SYT10: variants seen among roughly 807,000 people sequenced by gnomAD.
SYT10 encodes synaptotagmin-10.
In SYT10, 31 loss-of-function variants were observed where a neutral mutation model predicts 51.1. That is an observed-to-expected ratio of 0.61 (90% CI 0.46 to 0.82). The LOEUF (loss-of-function observed/expected upper bound fraction) is 0.82. Among genes scored for constraint, SYT10 ranks in the 40% least tolerant of loss-of-function variants. SYT10 has a pLI of 0.00. For missense variants in SYT10, 603 were observed against 634.0 expected, an observed-to-expected ratio of 0.95 and a Z score of 0.53; for synonymous variants, 233 against 225.9, an observed-to-expected ratio of 1.03 and a Z score of -0.28.
At chr12:33,439,244 G>T in intron 1 of SYT10, 128 bp downstream of exon 1, 1 of 1,226,856 alleles carries the variant, frequency 8.2e-7, no homozygotes, top group Non-Finnish European at 1.1e-6. Context: ...GAAGGAGCGA[G>T]GTAGGAAAGC....
intron 3 of SYT10, among the ~76,000 whole-genome samples, chr12:33,400,141 C>CT (rs1252102611): frequency 3.3e-5 from 5 of 152,114 alleles, no homozygotes; most frequent in Non-Finnish European, 7.3e-5. Flanking sequence ...TTTTGCCACT[C>CT]TTTAAAATGT....
intron 1 of SYT10, among the ~76,000 whole-genome samples, chr12:33,428,250 A>G (rs1203957118): frequency 1.3e-5 from 2 of 152,230 alleles, no homozygotes; most frequent in African/African-American, 4.8e-5. Flanking sequence ...GTCATGCATA[A>G]ATGCAACTTA....
At chr12:33,416,289 GC>G (rs1445567643) in intron 2 of SYT10, among the ~76,000 whole-genome samples, 2 of 151,698 alleles carry the variant, frequency 1.3e-5, no homozygotes, top group African/African-American at 4.8e-5. Flanking sequence ...CATTATGTTG[GC>G]CAAACTGGCC....
intron 3 of SYT10, among the ~76,000 whole-genome samples, chr12:33,387,921 T>G (rs1419572823): frequency 6.6e-6 from 1 of 152,086 alleles, no homozygotes; most frequent in Non-Finnish European, 1.5e-5. Context: ...TTTGGTATTT[T>G]TTGTAGAGAC....
chr12:33,433,640 T>C (rs1248541724), intron 1 of SYT10, among the ~76,000 whole-genome samples: 1 of 152,192 alleles, frequency 6.6e-6, no homozygotes, highest in African/African-American at 2.4e-5. Flanking sequence ...TACACTGAAG[T>C]ACACATGTGT....
At chr12:33,424,255 G>T (rs931341264) in intron 2 of SYT10, among the ~76,000 whole-genome samples, 2 of 152,074 alleles carry the variant, frequency 1.3e-5, no homozygotes, top group African/African-American at 4.8e-5. Flanking sequence ...TCTAGCTAGG[G>T]ATAATCAAAT....
At chr12:33,417,632 T>C (rs1866465822) in intron 2 of SYT10, among the ~76,000 whole-genome samples, 1 of 152,232 alleles carries the variant, frequency 6.6e-6, no homozygotes, top group Non-Finnish European at 1.5e-5. Flanking sequence ...GCTAGCTAAA[T>C]GAGGAATGTG....
intron 3 of SYT10, among the ~76,000 whole-genome samples, chr12:33,404,393 A>T (rs1428761930): frequency 1.3e-5 from 2 of 151,824 alleles, no homozygotes; most frequent in East Asian, 1.9e-4. Flanking sequence ...TTTTATTTTT[A>T]TTTTTATTTT....
intron 2 of SYT10, among the ~76,000 whole-genome samples, 180 bp downstream of exon 2, chr12:33,425,958 T>C (rs907515687): frequency 2.0e-5 from 3 of 151,966 alleles, no homozygotes; most frequent in African/African-American, 7.2e-5. Context: ...CTATGTACTC[T>C]GTCCTACCCT....
rs1485857247 is a variant in SYT10 at position 33,425,186 on chromosome 12, G to T, written c.509+952C>A. On this transcript the variant is annotated intron_variant, in intron 2 of 6. Transcript: ENST00000228567. ...TGTTGGAAAACATGGATGCGTCTTC[G>T]GTTTAGAGAGATAAAAAGGTAAGAT... Among the ~76,000 whole-genome samples, 3 of 151,908 alleles carry T rather than the reference G, an allele frequency of 2.0e-5. No homozygotes were observed. The South Asian group carries it at 6.2e-4, about 32-fold the overall frequency.
rs71068378 is a variant in SYT10, at chr12:33,392,985, T to TAAAAAAAAAA, written c.1078-7704_1078-7695dup. Among the ~76,000 whole-genome samples the TAAAAAAAAAA allele has an allele frequency of 5.7e-3, 338 of 59,064 alleles. 12 individuals are homozygous for TAAAAAAAAAA. Among genetic ancestry groups the TAAAAAAAAAA allele is most frequent in the Middle Eastern group, 0.019 (1 of 52 alleles). 38.7% of individuals were successfully genotyped at this position (59,064 alleles called of 152,430 possible). A position where few individuals can be genotyped will look rare whatever the true frequency, so the allele number is the denominator to read the frequency against. On this transcript the variant is annotated intron_variant, in intron 3 of 6. Coordinates refer to ENST00000228567, the MANE Select transcript of SYT10 (RefSeq NM_198992.4). ...CAAAAATAATTGTGGTTTTTGCCAT[T>TAAAAAAAAAA]AAAAAAAAAAAAAAAAAAAAAAAAA...
chr12:33,420,183 C>T (rs1469000101), intron 2 of SYT10, among the ~76,000 whole-genome samples: 2 of 152,144 alleles, frequency 1.3e-5, no homozygotes, highest in African/African-American at 4.8e-5. Flanking sequence ...ATTGAAATTA[C>T]CTGTTTTCAG....
intron 3 of SYT10, among the ~76,000 whole-genome samples, chr12:33,400,439 T>C (rs1169048847): frequency 1.3e-5 from 2 of 152,210 alleles, no homozygotes; most frequent in East Asian, 3.9e-4. Flanking sequence ...TGTCAAGGTG[T>C]ACTCTTTCAA....
At chr12:33,388,121 T>TA (rs5797531) in intron 3 of SYT10, among the ~76,000 whole-genome samples, 8 of 151,638 alleles carry the variant, frequency 5.3e-5, no homozygotes, top group Non-Finnish European at 1.0e-4. Context: ...ACAAAACTGC[T>TA]AAAAAAAAGA....
intron 3 of SYT10, among the ~76,000 whole-genome samples, chr12:33,397,348 G>A (rs190742930): frequency 6.6e-6 from 1 of 152,220 alleles, no homozygotes; most frequent in Non-Finnish European, 1.5e-5. Flanking sequence ...TGACCACTAG[G>A]ACTTAAACAG....
At chr12:33,392,169 G>A (rs914059162) in intron 3 of SYT10, among the ~76,000 whole-genome samples, 1 of 152,116 alleles carries the variant, frequency 6.6e-6, no homozygotes, top group African/African-American at 2.4e-5. Flanking sequence ...TGTGATATGG[G>A]ATTATGTTTG....
chr12:33,382,905 T>C (rs921327130), intron 4 of SYT10, among the ~76,000 whole-genome samples: 1 of 152,200 alleles, frequency 6.6e-6, no homozygotes, highest in East Asian at 1.9e-4. Context: ...TACTTACAAG[T>C]GATTTATTGC....
Position 33,420,032 on chromosome 12 carries a change from A to G in SYT10, c.509+6106T>C, listed in dbSNP as rs1866488730. On this transcript the variant is annotated intron_variant, in intron 2 of 6. Coordinates refer to ENST00000228567, the MANE Select transcript of SYT10 (RefSeq NM_198992.4). Reference sequence around the variant, plus strand: ...CCCCTTACTTTGTAATATGTTTCTGACTCTCATGAGCTTACCTCCTGGTGA... The same window carrying G: ...CCCCTTACTTTGTAATATGTTTCTGGCTCTCATGAGCTTACCTCCTGGTGA... 1.3e-5 allele frequency among the ~76,000 whole-genome samples: 2 copies of G among 152,018 alleles called. 1 individual carries two copies. The highest frequency in any genetic ancestry group is 4.1e-4 in the South Asian group (2 of 4,822).
intron 2 of SYT10, among the ~76,000 whole-genome samples, chr12:33,422,743 G>A (rs1994166): frequency 0.13 from 20,216 of 151,472 alleles, 1,579 homozygotes; most frequent in African/African-American, 0.19. Flanking sequence ...CCTTCAACTC[G>A]GCTTAATGGC....
Sources: allele counts gnomAD v4.1 joint callset (sites outside exome capture counted in the v4.1 genomes callset), GRCh38; gene constraint gnomAD v4.1.1; transcripts MANE v1.5; gene names NCBI Gene and HGNC (gene_info 2026-07-23, HGNC 2026-07-21).